Variants in CPB1 observed in about 807,000 individuals in gnomAD.
CPB1 encodes carboxypeptidase B1.
A neutral mutation model predicts 51.4 loss-of-function variants in CPB1; 53 were observed. That is an observed-to-expected ratio of 1.03 (90% CI 0.83 to 1.30). The LOEUF (loss-of-function observed/expected upper bound fraction) is 1.30. CPB1 is among the 50% of genes most tolerant of loss of function. The pLI is 0.00. For missense variants in CPB1, 494 were observed against 516.2 expected (o/e 0.96, Z 0.42); for synonymous variants, 189 against 186.9 (o/e 1.01, Z -0.09).
intron 10 of CPB1, among the ~76,000 whole-genome samples, chr3:148,857,765 C>G (rs1256376059): frequency 6.6e-6 from 1 of 151,478 alleles, no homozygotes; most frequent in Non-Finnish European, 1.5e-5. Flanking sequence ...ATTAGCTGGT[C>G]ATGCACACCT....
At chr3:148,846,784 T>TG (rs1713256975) in intron 9 of CPB1, among the ~76,000 whole-genome samples, 1 of 44,248 alleles carries the variant, frequency 2.3e-5, no homozygotes, top group Admixed American at 2.5e-4. Context: ...CATATATATG[T>TG]GTGTGTGCGT....
At chr3:148,844,368 T>C (rs765375879) in intron 6 of CPB1, 110 bp from the exon 7 acceptor site, 2 of 706,838 alleles carry the variant, frequency 2.8e-6, no homozygotes, top group Non-Finnish European at 4.8e-6. Context: ...TCCACCTCAA[T>C]AGGAAATGCT....
intron 3 of CPB1, 60 bp downstream of exon 3, chr3:148,834,682 T>C: frequency 6.6e-7 from 1 of 1,521,394 alleles, no homozygotes; most frequent in South Asian, 1.2e-5. Flanking sequence ...ATCTGAGCCT[T>C]TGAATAACTC....
chr3:148,853,298 A>G (rs1021894636), intron 9 of CPB1, among the ~76,000 whole-genome samples: 1 of 152,214 alleles, frequency 6.6e-6, no homozygotes, highest in African/African-American at 2.4e-5. Context: ...CTGGCTGTGT[A>G]CAAGAGATTG....
At chr3:148,844,218 C>A (rs1713166848) in intron 6 of CPB1, among the ~76,000 whole-genome samples, 1 of 151,938 alleles carries the variant, frequency 6.6e-6, no homozygotes, top group African/African-American at 2.4e-5. Flanking sequence ...AAATAAGTTT[C>A]TCATTAAAGT....
intron 2 of CPB1, among the ~76,000 whole-genome samples, chr3:148,831,414 A>G (rs1712733579): frequency 6.6e-6 from 1 of 152,222 alleles, no homozygotes; most frequent in Non-Finnish European, 1.5e-5. Flanking sequence ...GATAAATGAA[A>G]AGTCTATCAG....
chr3:148,834,744 A>C, intron 3 of CPB1, 122 bp downstream of exon 3: 7 of 870,182 alleles, frequency 8.0e-6, no homozygotes, highest in East Asian at 2.7e-5. Flanking sequence ...GACCCCACAA[A>C]TAGGTAATGG....
intron 10 of CPB1, 113 bp downstream of exon 10, chr3:148,857,654 CA>C (rs1381107176): frequency 4.0e-6 from 2 of 502,442 alleles, no homozygotes; most frequent in Non-Finnish European, 6.6e-6. Context: ...TGCCTCACAG[CA>C]AATTTTTCTA....
Position 148,841,924 on chromosome 3 carries a change from G to A in CPB1, c.576G>A (p.Glu192=). 6.2e-7 allele frequency: 1 copy of A among 1,608,142 alleles called. No individual in the cohort carries two copies. The highest frequency in any genetic ancestry group is 8.5e-7 in the Non-Finnish European group (1 of 1,174,710). Residue 192 remains glutamate (E), a splice_region_variant and synonymous_variant, in exon 6 of 11, where the codon GAG becomes GAA. Transcript: ENST00000282957. ...SPAFCQWFVR[E]AVRTYGREIQ... is the part of the protein sequence containing the mutation. ...CATTCTGCCAGTGGTTTGTAAGAGA[G>A]GTCAGTGTGTAGAGTGGTTTTTGGC...
At chr3:148,846,072 T>C (rs1284774653) in intron 9 of CPB1, among the ~76,000 whole-genome samples, 1 of 152,180 alleles carries the variant, frequency 6.6e-6, no homozygotes, top group East Asian at 1.9e-4. Context: ...TTGGGTGATA[T>C]CAAGTTTAGT....
chr3:148,857,940 A>G (rs1393586124), intron 10 of CPB1, among the ~76,000 whole-genome samples: 1 of 152,142 alleles, frequency 6.6e-6, no homozygotes, highest in Non-Finnish European at 1.5e-5. Context: ...TTTTCAACCC[A>G]CAGAGACATT....
intron 9 of CPB1, among the ~76,000 whole-genome samples, chr3:148,848,286 T>G (rs960659799): frequency 1.3e-5 from 2 of 152,142 alleles, no homozygotes; most frequent in East Asian, 3.8e-4. Flanking sequence ...AAAAATGTCT[T>G]GGTCTAGAAA....
At chr3:148,855,306 C>T (rs1465868535) in intron 9 of CPB1, 1 of 152,046 alleles carries the variant, frequency 6.6e-6, no homozygotes, top group Non-Finnish European at 1.5e-5. Flanking sequence ...AAATAACAAC[C>T]TTTTTAAGCT....
intron 3 of CPB1, among the ~76,000 whole-genome samples, chr3:148,837,517 A>G (rs1712939706): frequency 6.6e-6 from 1 of 151,018 alleles, no homozygotes; most frequent in Non-Finnish European, 1.5e-5. Flanking sequence ...GGATGGCACT[A>G]TAAAACGAGC....
At chr3:148,845,915 T>C (rs956208553) in intron 9 of CPB1, among the ~76,000 whole-genome samples, 1 of 152,194 alleles carries the variant, frequency 6.6e-6, no homozygotes, top group African/African-American at 2.4e-5. Flanking sequence ...CATGATGATT[T>C]CAGATGCATA....
chr3:148,829,768 T>G (rs1366947239), intron 2 of CPB1, among the ~76,000 whole-genome samples: 1 of 152,160 alleles, frequency 6.6e-6, no homozygotes, highest in Non-Finnish European at 1.5e-5. Context: ...GAGGCCTTCT[T>G]TACGTTTCAC....
At chr3:148,842,781 T>G (rs1184986485) in intron 6 of CPB1, among the ~76,000 whole-genome samples, 85 of 152,258 alleles carry the variant, frequency 5.6e-4, no homozygotes, top group African/African-American at 1.9e-3. Context: ...TTAGAGTGGA[T>G]AAACCTAGCA....
chr3:148,844,574 T>C lies in CPB1; in HGVS notation c.673T>C (p.Tyr225His). Residue 225 changes from tyrosine to histidine, a missense_variant, in exon 7 of 11, where the codon TAC (tyrosine) becomes CAC (histidine). Physicochemically the swap from Tyr to His is moderately conservative, Grantham distance 83. Coordinates refer to ENST00000282957, the MANE Select transcript of CPB1 (RefSeq NM_001871.3). ...LPVLNIDGYI[Y>H]TWTKSRFWRK... ...TGTGCTCAATATTGATGGCTACATC[T>C]ACACCTGGACCAAGGTATATGCACC... The C allele has an allele frequency of 6.2e-7, 1 of 1,613,796 alleles. No homozygotes were observed. Among genetic ancestry groups the C allele is most frequent in the Non-Finnish European group, 8.5e-7 (1 of 1,179,714 alleles).
intron 2 of CPB1, among the ~76,000 whole-genome samples, chr3:148,828,623 C>T (rs1395206998): frequency 6.6e-6 from 1 of 152,134 alleles, no homozygotes; most frequent in Non-Finnish European, 1.5e-5. Context: ...AAACTGACAT[C>T]TCTGTGCTAA....
Sources: gnomAD v4.1 joint callset for allele counts (sites outside exome capture counted in the v4.1 genomes callset) on GRCh38, gnomAD v4.1.1 for gene constraint, MANE v1.5 for transcripts, NCBI Gene and HGNC (gene_info 2026-07-23, HGNC 2026-07-21) for gene names.